NBPF9: variants seen among roughly 807,000 people sequenced by gnomAD.
The protein encoded by NBPF9 is NBPF member 9.
In NBPF9, 91 loss-of-function variants were observed where a neutral mutation model predicts 97.8. The ratio of observed to expected loss-of-function variants is 0.93; its 90% CI spans 0.79 to 1.11. The LOEUF is 1.11. Among genes scored for constraint, NBPF9 ranks in the 50% least tolerant of loss-of-function variants. NBPF9 has a pLI of 0.00. For synonymous variants in NBPF9, 334 were observed against 359.5 expected, an observed-to-expected ratio of 0.93 and a Z score of 0.80; for missense variants, 992 against 939.5, an observed-to-expected ratio of 1.06 and a Z score of -0.73.
At chr1:149,090,670 A>G (rs2081357024) in intron 5 of NBPF9, 83 bp downstream of exon 5, 1 of 567,736 alleles carries the variant, frequency 1.8e-6, no homozygotes, top group Non-Finnish European at 3.1e-6. Flanking sequence ...GCTAGATTAG[A>G]GAGAAAAATA....
At chr1:149,079,841 GA>G (rs1553656006) in intron 8 of NBPF9, among the ~76,000 whole-genome samples, 1 of 152,214 alleles carries the variant, frequency 6.6e-6, no homozygotes, top group African/African-American at 2.4e-5. Flanking sequence ...TTACTTGTTT[GA>G]AAAAGAGAAA....
chr1:149,080,400 C>G (rs1286973567), intron 7 of NBPF9, among the ~76,000 whole-genome samples: 3 of 150,504 alleles, frequency 2.0e-5, no homozygotes, highest in Non-Finnish European at 4.4e-5. Context: ...ATGATTCAAC[C>G]ACAACGAAGT....
rs1478539157 is a variant in NBPF9, at chr1:149,059,615, G to A, written c.2585+85C>T. The A allele has an allele frequency of 2.3e-5, 12 of 527,678 alleles. 2 individuals carry two copies. The highest frequency in any genetic ancestry group is 3.1e-5 in the Non-Finnish European group (9 of 289,506). The allele number at this position is 527,678 out of a possible 1,614,324, so 32.7% of individuals were successfully genotyped here. A position where few individuals can be genotyped will look rare whatever the true frequency, so the allele number is the denominator to read the frequency against. On this transcript the variant is annotated intron_variant, in intron 25 of 29. Transcript: ENST00000584027. ...GTAATTCAGCCTTCGTTGAAAACGT[G>A]ACATCAAACACACTCTGGTTTCCCT...
Position 149,062,925 on chromosome 1 carries a change from T to A in NBPF9, c.2027-12A>T. 2.3e-6 allele frequency: 2 copies of A among 857,146 alleles called. No homozygotes were observed. 53.1% of individuals were successfully genotyped at this position (857,146 alleles called of 1,614,324 possible). A position where few individuals can be genotyped will look rare whatever the true frequency, so the allele number is the denominator to read the frequency against. The stretch of plus-strand genomic sequence containing the variant: ...GTACTTTTCAATTTCTGCAATAAGT[T>A]CAGACATGGACAGTCATATTAAGCT... On this transcript the variant is annotated splice_polypyrimidine_tract_variant and intron_variant, in intron 20 of 29. Coordinates refer to ENST00000584027, the Ensembl canonical transcript of NBPF9.
chr1:149,082,247 G>C (rs587644419), intron 6 of NBPF9, 25 bp downstream of exon 6: 2 of 1,284,356 alleles, frequency 1.6e-6, no homozygotes, highest in Non-Finnish European at 2.2e-6. Flanking sequence ...CAGGACTGAG[G>C]GATGTCAGTA....
At chr1:149,099,604 A>G (rs2082010416) in intron 3 of NBPF9, among the ~76,000 whole-genome samples, 1 of 150,618 alleles carries the variant, frequency 6.6e-6, no homozygotes, top group South Asian at 2.1e-4. Flanking sequence ...AAATAATCAT[A>G]ATAACAACAA....
At chr1:149,099,615 T>A (rs1259353723) in intron 3 of NBPF9, among the ~76,000 whole-genome samples, 1 of 152,296 alleles carries the variant, frequency 6.6e-6, no homozygotes, top group African/African-American at 2.4e-5. Context: ...ATAACAACAA[T>A]GAATACTATA....
At chr1:149,087,071 T>C (rs1358400633) in intron 5 of NBPF9, among the ~76,000 whole-genome samples, 1 of 152,010 alleles carries the variant, frequency 6.6e-6, no homozygotes, top group Non-Finnish European at 1.5e-5. Context: ...GCCATTCTTA[T>C]GGATATGTAC....
intron 5 of NBPF9, among the ~76,000 whole-genome samples, chr1:149,083,758 G>T (rs2080734819): frequency 6.7e-6 from 1 of 149,342 alleles, no homozygotes; most frequent in Admixed American, 6.7e-5. Context: ...ACATAATAAG[G>T]AGAAGCTTTT....
At chr1:149,072,823 G>T in exon 14 of NBPF9, 1 of 1,598,064 alleles carries the variant, frequency 6.3e-7, no homozygotes, top group Non-Finnish European at 8.6e-7. Context: ...GGAGTGAGGA[G>T]GGCCTGGAGA....
intron 7 of NBPF9, among the ~76,000 whole-genome samples, chr1:149,081,172 T>G (rs1159947160): frequency 2.0e-5 from 3 of 152,084 alleles, no homozygotes; most frequent in Non-Finnish European, 4.4e-5. Flanking sequence ...CATGCTGGAG[T>G]GCAATAGTGC....
At chr1:149,079,112 G>A (rs782362913) in exon 9 of NBPF9, 6 of 1,277,700 alleles carry the variant, frequency 4.7e-6, no homozygotes, top group Non-Finnish European at 5.7e-6. Context: ...GGAGTGAGGA[G>A]GGCCTGGAGA....
intron 7 of NBPF9, among the ~76,000 whole-genome samples, chr1:149,080,369 C>T (rs1316622764): frequency 4.1e-4 from 62 of 150,374 alleles, no homozygotes; most frequent in African/African-American, 9.9e-4. Flanking sequence ...ACCTCAAGGG[C>T]GCATCAAGGA....
intron 13 of NBPF9, among the ~76,000 whole-genome samples, 156 bp from the exon 14 acceptor site, chr1:149,073,088 T>C (rs1446922546): frequency 1.3e-5 from 2 of 149,526 alleles, no homozygotes; most frequent in Non-Finnish European, 3.0e-5. Flanking sequence ...AGAGAAAGAA[T>C]AGAAAATGGT....
In NBPF9 at chr1:149,082,168, C is replaced by A. The variant is rs76116499; in HGVS notation, c.-29G>T. 2.5e-6 allele frequency: 4 copies of A among 1,611,934 alleles called. No homozygotes were observed. In the South Asian group the frequency reaches 4.4e-5, roughly 18 times the overall value. ...GACGTTTGTGGCAGAAGAGGTGGGG[C>A]CAGGGACTGGGGAGAAGAAACCCAA... On this transcript the variant is annotated 5_prime_UTR_variant, in exon 7 of 30. Transcript: ENST00000584027.
At chr1:149,084,261 T>C (rs2080785976) in intron 5 of NBPF9, among the ~76,000 whole-genome samples, 1 of 146,690 alleles carries the variant, frequency 6.8e-6, no homozygotes. Context: ...ATAATATATA[T>C]ACACGTGTAT....
In NBPF9 at chr1:149,059,685, A is replaced by G. The variant is rs1468629391; in HGVS notation, c.2585+15T>C. ...GTTAACACAGAACTAAGGATCCAGA[A>G]TTGCTGAAAGTCACCTGGGGCATGG... On this transcript the variant is annotated intron_variant, in intron 25 of 29. Transcript: ENST00000584027. The G allele has an allele frequency of 2.7e-5, 15 of 561,386 alleles. 3 individuals carry two copies. The highest frequency in any genetic ancestry group is 4.9e-5 in the African/African-American group (2 of 40,704). 34.8% of individuals were successfully genotyped at this position (561,386 alleles called of 1,614,324 possible).
intron 16 of NBPF9, 136 bp downstream of exon 16, chr1:149,070,798 A>G: frequency 2.7e-6 from 4 of 1,494,158 alleles, no homozygotes; most frequent in Non-Finnish European, 3.7e-6. Flanking sequence ...GAGAAGGACA[A>G]AAAACTCCCT....
chr1:149,081,061 A>G (rs2080390147), intron 7 of NBPF9, among the ~76,000 whole-genome samples: 1 of 151,972 alleles, frequency 6.6e-6, no homozygotes, highest in Non-Finnish European at 1.5e-5. Context: ...GTGCACCAGG[A>G]AGCAGGACTT....
Sources: gnomAD v4.1 joint callset for allele counts (sites outside exome capture counted in the v4.1 genomes callset) on GRCh38, gnomAD v4.1.1 for gene constraint, MANE v1.5 for transcripts, NCBI Gene and HGNC (gene_info 2026-07-23, HGNC 2026-07-21) for gene names.